The following SOX6 variants were observed in gnomAD, a reference collection of about 807,000 sequenced individuals.
SOX6 encodes the protein transcription factor SOX-6.
Under a neutral mutation model 97.8 loss-of-function variants are expected in SOX6, and 11 were observed. The ratio of observed to expected loss-of-function variants is 0.11; its 90% confidence interval spans 0.07 to 0.19. The LOEUF (loss-of-function observed/expected upper bound fraction) is 0.19, where lower values mean the gene tolerates loss of function less well. SOX6 is among the 10% of genes least tolerant of loss of function. The probability of loss-of-function intolerance (pLI) is 1.00; values close to 1 mark genes in which losing one functional copy is unlikely to be tolerated. For synonymous variants in SOX6, 360 were observed against 371.4 expected (o/e 0.97, Z 0.35); for missense variants, 810 against 1,039.5 (o/e 0.78, Z 3.04).
chr11:16,425,802 C>T (rs1270217389), intron 1 of SOX6, among the ~76,000 whole-genome samples: 1 of 152,038 alleles, frequency 6.6e-6, no homozygotes, highest in African/African-American at 2.4e-5. Flanking sequence ...CCACTGCTCA[C>T]AGAAATCAGA....
Position 16,631,704 on chromosome 11 carries a change from C to T in SOX6, n.430-19444G>A, listed in dbSNP as rs144600317. On this transcript the variant is annotated intron_variant and non_coding_transcript_variant, in intron 3 of 5. Transcript: ENST00000524520. ...GATTGTTTACTTTTTCTCTTTATCT[C>T]TCAGAAATGCCAATAATTCATAGGT... 9.9e-5 allele frequency among the ~76,000 whole-genome samples: 15 copies of T among 152,244 alleles called. No individual in the cohort carries two copies. In the East Asian group the frequency reaches 1.9e-3, roughly 20 times the overall value.
At chr11:16,545,440 G>C (rs987270432) in intron 4 of SOX6, among the ~76,000 whole-genome samples, 1 of 151,372 alleles carries the variant, frequency 6.6e-6, no homozygotes, top group South Asian at 2.1e-4. Context: ...CAACAAACTA[G>C]GTATAGAAAG....
At chr11:16,520,931 T>C (rs1590231681) in intron 4 of SOX6, among the ~76,000 whole-genome samples, 1 of 149,080 alleles carries the variant, frequency 6.7e-6, no homozygotes, top group East Asian at 2.0e-4. Context: ...GGGGGAGGGG[T>C]GCCCCGCCAT....
intron 3 of SOX6, among the ~76,000 whole-genome samples, chr11:16,712,370 T>G (rs1230533072): frequency 6.6e-6 from 1 of 152,172 alleles, no homozygotes; most frequent in African/African-American, 2.4e-5. Flanking sequence ...CCACCAGCAG[T>G]GTAGAAGTGT....
intron 4 of SOX6, among the ~76,000 whole-genome samples, chr11:16,217,203 G>C (rs1374753476): frequency 6.6e-6 from 1 of 152,044 alleles, no homozygotes; most frequent in Non-Finnish European, 1.5e-5. Context: ...CCACATATTA[G>C]ACTAGAAAAA....
chr11:16,203,338 T>C (rs1474273871), intron 4 of SOX6, among the ~76,000 whole-genome samples: 2 of 150,166 alleles, frequency 1.3e-5, no homozygotes, highest in African/African-American at 2.5e-5. Context: ...GGAGAAAAAG[T>C]AACTCAAGCA....
chr11:16,582,242 C>A (rs183360939), intron 4 of SOX6, among the ~76,000 whole-genome samples: 275 of 152,212 alleles, frequency 1.8e-3, no homozygotes, highest in Admixed American at 2.6e-3. Flanking sequence ...TAATCATACC[C>A]CAAACCTCAG....
intron 12 of SOX6, among the ~76,000 whole-genome samples, chr11:16,042,577 CTGAGAT>C (rs1855699986): frequency 6.6e-6 from 1 of 152,144 alleles, no homozygotes; most frequent in Non-Finnish European, 1.5e-5. Context: ...ATCAGGAAAG[CTGAGAT>C]TTAATTTCTG....
chr11:16,585,823 C>T (rs569955693), intron 4 of SOX6, among the ~76,000 whole-genome samples: 1 of 151,888 alleles, frequency 6.6e-6, no homozygotes, highest in South Asian at 2.1e-4. Flanking sequence ...GCTGGAACTA[C>T]AGGCACATGC....
At chr11:16,512,804 A>G (rs549694493) in intron 4 of SOX6, among the ~76,000 whole-genome samples, 28 of 152,340 alleles carry the variant, frequency 1.8e-4, no homozygotes, top group Non-Finnish European at 3.1e-4. Context: ...AACTCAAGTA[A>G]ATAAATGCAA....
In SOX6 at chr11:16,095,118, C is replaced by T. The variant is rs560513302; in HGVS notation, c.1101+878G>A. On this transcript the variant is annotated intron_variant, in intron 9 of 15. Transcript: ENST00000683767. ...GTTGAGTTTCCCATCCTAGGTTGGA[C>T]TATAAAATCTGCTATTATATCTAAC... Among the ~76,000 whole-genome samples the T allele has an allele frequency of 4.6e-5, 7 of 151,956 alleles. No homozygotes were observed. The South Asian group carries it at 1.4e-3, about 31-fold the overall frequency.
At position 16,689,677 on chromosome 11, in the gene SOX6, G is replaced by A. The variant is rs112103045; in HGVS notation, n.429+25153C>T. 4.3e-4 allele frequency among the ~76,000 whole-genome samples: 66 copies of A among 152,132 alleles called. 1 individual carries two copies. Among genetic ancestry groups the A allele is most frequent in the African/African-American group, 1.3e-3 (54 of 41,520 alleles). On this transcript the variant is annotated intron_variant and non_coding_transcript_variant, in intron 3 of 5. Transcript: ENST00000524520. The stretch of plus-strand genomic sequence containing the variant: ...TTTAAATATTTAAAAAGTTTACTAC[G>A]TAAATAGCCTTAACTGAGTTCAATA...
intron 13 of SOX6, among the ~76,000 whole-genome samples, chr11:16,000,594 T>TC (rs35093944): frequency 0.31 from 47,031 of 152,136 alleles, 8,634 homozygotes; most frequent in Non-Finnish European, 0.41. Flanking sequence ...AAGTTTAATA[T>TC]CTTTGTTTTC....
chr11:16,070,337 T>C (rs1001041572), intron 9 of SOX6, among the ~76,000 whole-genome samples: 1 of 151,950 alleles, frequency 6.6e-6, no homozygotes, highest in Non-Finnish European at 1.5e-5. Flanking sequence ...GGAAAGAGAA[T>C]AGGCTCAGAC....
intron 3 of SOX6, among the ~76,000 whole-genome samples, chr11:16,285,828 C>A (rs1270841220): frequency 6.6e-6 from 1 of 152,042 alleles, no homozygotes; most frequent in East Asian, 1.9e-4. Context: ...GCAGGAAAAC[C>A]ACCTAAAGTC....
rs1007014509 is a variant in SOX6 at position 16,607,642 on chromosome 11, AGG to A, written n.609+4437_609+4438del. The A allele has an allele frequency of 6.6e-6, 1 of 152,316 alleles. No homozygotes were observed. Among genetic ancestry groups the A allele is most frequent in the African/African-American group, 2.4e-5 (1 of 41,458 alleles). 9.4% of individuals were successfully genotyped at this position (152,316 alleles called of 1,614,324 possible). On this transcript the variant is annotated intron_variant and non_coding_transcript_variant, in intron 4 of 5. Transcript: ENST00000524520. The surrounding 1 kb of genome is among the most constrained non-coding windows in gnomAD (Gnocchi z 6.5). Reference sequence around the variant, plus strand: ...GAGGTGCGCGCGGAGCGGGGTGACTAGGGGCTTCACCCTGGAACAAGTGAAGG... The same window carrying A: ...GAGGTGCGCGCGGAGCGGGGTGACTAGGCTTCACCCTGGAACAAGTGAAGG...
At chr11:15,975,508 A>G (rs1853449372) in intron 15 of SOX6, among the ~76,000 whole-genome samples, 1 of 152,210 alleles carries the variant, frequency 6.6e-6, no homozygotes, top group East Asian at 1.9e-4. Flanking sequence ...TTCACAAAGA[A>G]TAGATGGTCA....
intron 3 of SOX6, among the ~76,000 whole-genome samples, chr11:16,272,392 CA>C (rs1402035921): frequency 3.3e-5 from 5 of 151,656 alleles, no homozygotes; most frequent in African/African-American, 1.2e-4. Context: ...TTCTCTACTA[CA>C]AAATCTCTAC....
intron 3 of SOX6, among the ~76,000 whole-genome samples, chr11:16,658,894 G>A (rs1847745309): frequency 1.3e-5 from 2 of 152,044 alleles, no homozygotes; most frequent in South Asian, 4.1e-4. Context: ...TAACATGATT[G>A]TTTTCACTTC....
Sources: allele counts gnomAD v4.1 joint callset (sites outside exome capture counted in the v4.1 genomes callset), GRCh38; gene constraint gnomAD v4.1.1; non-coding constraint Gnocchi (gnomAD v3.1); transcripts MANE v1.5; gene names NCBI Gene and HGNC (gene_info 2026-07-23, HGNC 2026-07-21).